SCFD2: variants seen among roughly 807,000 people sequenced by gnomAD.
The protein encoded by SCFD2 is sec1 family domain containing 2.
In SCFD2, 54 loss-of-function variants were observed where a neutral mutation model predicts 58.9. That is an observed-to-expected ratio of 0.92 (90% CI 0.74 to 1.15). The LOEUF is 1.15. Ranked by LOEUF, SCFD2 falls within the 50% of genes most tolerant of loss-of-function variation. SCFD2 has a pLI of 0.00. For missense variants in SCFD2, 805 were observed against 836.6 expected (o/e 0.96, Z 0.47); for synonymous variants, 321 against 335.9 (o/e 0.96, Z 0.49).
chr4:53,201,027 T>A (rs529786760), intron 4 of SCFD2, among the ~76,000 whole-genome samples: 82 of 152,048 alleles, frequency 5.4e-4, no homozygotes, highest in African/African-American at 1.7e-3. Context: ...TTTTAAAAAA[T>A]TTTATTATTA....
At chr4:53,212,609 C>T (rs1237064173) in intron 4 of SCFD2, among the ~76,000 whole-genome samples, 7 of 106,616 alleles carry the variant, frequency 6.6e-5, no homozygotes, top group African/African-American at 2.2e-4. Flanking sequence ...TGTGTGTGTG[C>T]ATGTGGTGTC....
At chr4:53,214,399 T>C (rs1270664778) in intron 4 of SCFD2, among the ~76,000 whole-genome samples, 2 of 152,204 alleles carry the variant, frequency 1.3e-5, no homozygotes, top group African/African-American at 2.4e-5. Flanking sequence ...ATTTCTCTGA[T>C]GGCCACTGAT....
intron 7 of SCFD2, among the ~76,000 whole-genome samples, chr4:52,889,504 A>G (rs1490907931): frequency 1.3e-5 from 2 of 152,222 alleles, no homozygotes; most frequent in Non-Finnish European, 1.5e-5. Context: ...TCTGTATTTC[A>G]GCATATAAGG....
chr4:53,007,574 T>C (rs1290077353), intron 5 of SCFD2, among the ~76,000 whole-genome samples: 15 of 152,162 alleles, frequency 9.9e-5, no homozygotes, highest in Non-Finnish European at 1.6e-4. Context: ...GCACTTATTA[T>C]AGGTATGTTC....
chr4:53,348,785 A>G (rs1734133482), intron 2 of SCFD2, among the ~76,000 whole-genome samples: 1 of 150,310 alleles, frequency 6.7e-6, no homozygotes, highest in Non-Finnish European at 1.5e-5. Context: ...CCCAATCTCA[A>G]CTCACTGCAA....
chr4:53,350,732 T>C (rs557130771), intron 2 of SCFD2, among the ~76,000 whole-genome samples: 1 of 152,244 alleles, frequency 6.6e-6, no homozygotes, highest in South Asian at 2.1e-4. Context: ...TTTCCTGAAA[T>C]GGAGTCTCAT....
In SCFD2 at chr4:53,084,641, T is replaced by C. The variant is rs185533882; in HGVS notation, c.1561+60692A>G. On this transcript the variant is annotated intron_variant, in intron 5 of 8. Coordinates refer to ENST00000401642, the MANE Select transcript of SCFD2 (RefSeq NM_152540.4). ...ATCTTCACAATTTATGTTCCTCTGC[T>C]GTGGCTCCAGCTGGTCCCTCCGTTC... Among the ~76,000 whole-genome samples the C allele has an allele frequency of 1.4e-4, 21 of 152,332 alleles. No individual in the cohort carries two copies. In the East Asian group the frequency reaches 3.7e-3, roughly 27 times the overall value.
At chr4:53,352,540 G>T in intron 2 of SCFD2, 58 bp downstream of exon 2, 1 of 1,408,656 alleles carries the variant, frequency 7.1e-7, no homozygotes, top group African/African-American at 1.4e-5. Flanking sequence ...ACTCAGTCTA[G>T]GAGAAAAAGA....
intron 2 of SCFD2, among the ~76,000 whole-genome samples, chr4:53,349,253 T>C (rs1032621620): frequency 6.6e-6 from 1 of 151,992 alleles, no homozygotes; most frequent in South Asian, 2.1e-4. Flanking sequence ...AATAATGAGG[T>C]GTAAAAAATG....
At chr4:53,301,787 T>C (rs192525525) in intron 3 of SCFD2, among the ~76,000 whole-genome samples, 171 of 152,118 alleles carry the variant, frequency 1.1e-3, no homozygotes, top group Admixed American at 2.7e-3. Flanking sequence ...GGATGCAAGG[T>C]TGGTTCAACA....
intron 7 of SCFD2, among the ~76,000 whole-genome samples, chr4:52,906,457 C>T (rs971516992): frequency 1.3e-5 from 2 of 152,216 alleles, no homozygotes; most frequent in African/African-American, 4.8e-5. Flanking sequence ...TCTGGGCCTA[C>T]TTATACCAAC....
chr4:52,928,310 G>A (rs1159404721), intron 5 of SCFD2, among the ~76,000 whole-genome samples: 3 of 152,088 alleles, frequency 2.0e-5, no homozygotes, highest in African/African-American at 4.8e-5. Flanking sequence ...CTCTAGCCTG[G>A]GTGACAGAGT....
chr4:53,111,299 A>G (rs1224319810), intron 5 of SCFD2, among the ~76,000 whole-genome samples: 1 of 152,094 alleles, frequency 6.6e-6, no homozygotes. Flanking sequence ...ACAAACCTAC[A>G]TGTTCTGCAC....
intron 5 of SCFD2, among the ~76,000 whole-genome samples, chr4:52,996,994 A>C (rs1274954561): frequency 6.6e-6 from 1 of 152,214 alleles, no homozygotes; most frequent in African/African-American, 2.4e-5. Flanking sequence ...AACAAAATAG[A>C]ATACTCAGAA....
intron 2 of SCFD2, among the ~76,000 whole-genome samples, chr4:53,334,248 T>C (rs1222985508): frequency 6.6e-6 from 1 of 151,984 alleles, no homozygotes; most frequent in Non-Finnish European, 1.5e-5. Flanking sequence ...ATCCCATTAC[T>C]GGGTATATAC....
At chr4:53,123,889 C>T (rs59688893) in intron 5 of SCFD2, among the ~76,000 whole-genome samples, 3,884 of 152,224 alleles carry the variant, frequency 0.026, 164 homozygotes, top group African/African-American at 0.088. Flanking sequence ...TTTTAACAAC[C>T]GTCTCAGGTG....
chr4:53,323,658 G>A (rs1241390632), intron 2 of SCFD2, among the ~76,000 whole-genome samples: 3 of 150,862 alleles, frequency 2.0e-5, no homozygotes, highest in Non-Finnish European at 2.9e-5. Flanking sequence ...GGGATAACAG[G>A]CATAAGCCAA....
chr4:53,306,855 G>A (rs1329320179), intron 3 of SCFD2, among the ~76,000 whole-genome samples: 1 of 152,226 alleles, frequency 6.6e-6, no homozygotes, highest in Non-Finnish European at 1.5e-5. Context: ...ATTTAATCAT[G>A]AAGAATCAGA....
At chr4:52,987,314 C>A (rs551063073) in intron 5 of SCFD2, among the ~76,000 whole-genome samples, 1 of 152,336 alleles carries the variant, frequency 6.6e-6, no homozygotes, top group South Asian at 2.1e-4. Flanking sequence ...CCGCACCCGG[C>A]CTGAAAAGAT....
Sources: gnomAD v4.1 joint callset for allele counts (sites outside exome capture counted in the v4.1 genomes callset) on GRCh38, gnomAD v4.1.1 for gene constraint, MANE v1.5 for transcripts, NCBI Gene and HGNC (gene_info 2026-07-23, HGNC 2026-07-21) for gene names.